Variants in MICAL2 observed in about 807,000 individuals in gnomAD.
MICAL2 encodes the protein microtubule associated monooxygenase, calponin and LIM domain containing 2, also known as [F-actin]-monooxygenase MICAL2.
Under a neutral mutation model 127.3 loss-of-function variants are expected in MICAL2, and 77 were observed. The observed-to-expected ratio is 0.60, with a 90% CI of 0.50 to 0.73. The LOEUF is 0.73. Among genes scored for constraint, MICAL2 ranks in the 30% least tolerant of loss-of-function variants. The pLI is 0.00. For synonymous variants in MICAL2, 570 were observed against 551.1 expected (o/e 1.03, Z -0.48); for missense variants, 1,351 against 1,434.4 (o/e 0.94, Z 0.94).
intron 4 of MICAL2, among the ~76,000 whole-genome samples, chr11:12,205,846 C>T (rs1283437114): frequency 6.6e-6 from 1 of 152,194 alleles, no homozygotes; most frequent in Non-Finnish European, 1.5e-5. Flanking sequence ...CGTCCCCAGA[C>T]TTCAGAATCC....
chr11:12,236,265 C>G lies in MICAL2; in HGVS notation c.2064+20C>G, dbSNP rs7102049. ...GACGAGGTTTGTGTACACAGTGTGG[C>G]TTTAAACAGAGGCTCGTTTCCTGAC... On this transcript the variant is annotated intron_variant, in intron 16 of 27. Coordinates refer to ENST00000683283, the MANE Select transcript of MICAL2 (RefSeq NM_001282663.2). The G allele has an allele frequency of 0.012, 19,013 of 1,612,134 alleles. 2,015 individuals are homozygous for G. In the African/African-American group the frequency reaches 0.23, roughly 19 times the overall value.
At chr11:12,262,896 T>TC (rs1165329917) in intron 27 of MICAL2, 1 of 205,634 alleles carries the variant, frequency 4.9e-6, no homozygotes, top group African/African-American at 2.3e-5. Flanking sequence ...GGGGCCTCTG[T>TC]CACCTTTGAA....
At chr11:12,154,971 A>G (rs1393801555) in intron 2 of MICAL2, among the ~76,000 whole-genome samples, 1 of 152,180 alleles carries the variant, frequency 6.6e-6, no homozygotes, top group Non-Finnish European at 1.5e-5. Context: ...CCTGCATGAT[A>G]TGGAGGCATT....
At chr11:12,220,490 T>C in intron 9 of MICAL2, 32 bp downstream of exon 9, 1 of 1,596,528 alleles carries the variant, frequency 6.3e-7, no homozygotes, top group Non-Finnish European at 8.5e-7. Context: ...CCCATGTTTC[T>C]CTGCGAGACA....
chr11:12,180,660 C>T (rs1857346427), intron 3 of MICAL2, among the ~76,000 whole-genome samples: 1 of 152,046 alleles, frequency 6.6e-6, no homozygotes, highest in African/African-American at 2.4e-5. Context: ...TTATTATCCC[C>T]ACTTTACAGA....
Position 12,227,035 on chromosome 11 carries a change from C to A in MICAL2, c.1899C>A (p.Arg633=). 1 of 1,613,800 alleles carries A rather than the reference C, an allele frequency of 6.2e-7. No individual in the cohort carries two copies. ...GTPLRPVDSW[R]KNYGENADLS... The stretch of plus-strand genomic sequence containing the variant: ...TTTATTTCCCAACAGATTCTTGGCG[C>A]AAAAACTATGGAGAAAATGCTGACC... The change falls in exon 15 of 28, where the codon CGC becomes CGA. Residue 633 remains arginine, a synonymous_variant. Coordinates refer to ENST00000683283, the MANE Select transcript of MICAL2 (RefSeq NM_001282663.2).
intron 3 of MICAL2, among the ~76,000 whole-genome samples, chr11:12,174,330 A>G (rs1166299608): frequency 1.3e-5 from 2 of 151,934 alleles, no homozygotes; most frequent in Admixed American, 6.6e-5. Flanking sequence ...CTCTGTACCC[A>G]TAATCAGTCA....
At chr11:12,300,511 C>T (rs185951547) in intron 29 of MICAL2, among the ~76,000 whole-genome samples, 1 of 152,276 alleles carries the variant, frequency 6.6e-6, no homozygotes, top group Admixed American at 6.5e-5. Context: ...GGATTCATAG[C>T]TTGAGAGAGA....
In MICAL2 at chr11:12,224,212, A is replaced by G. The variant is rs41324344; in HGVS notation, c.1541-461A>G. 7.7e-3 allele frequency among the ~76,000 whole-genome samples: 1,176 copies of G among 152,306 alleles called. 9 individuals carry two copies. The highest frequency in any genetic ancestry group is 0.022 in the African/African-American group (901 of 41,542). On this transcript the variant is annotated intron_variant, in intron 12 of 27. Transcript: ENST00000683283. ...TTCCTGGAATGACTTCTTCCGTCTG[A>G]TAAGTTCCTAGATGCTCTCAAAGAA...
chr11:12,240,242 A>G (rs1859698674), intron 17 of MICAL2, among the ~76,000 whole-genome samples: 1 of 152,158 alleles, frequency 6.6e-6, no homozygotes, highest in Admixed American at 6.5e-5. Context: ...GTCAGGCTGT[A>G]GGCTTCCTTC....
In MICAL2 at chr11:12,242,329, G is replaced by A. The variant is rs1007455028; in HGVS notation, c.2453G>A (p.Gly818Asp). The A allele has an allele frequency of 1.7e-5, 27 of 1,614,034 alleles. No homozygotes were observed. The Admixed American group carries it at 4.2e-4, about 25-fold the overall frequency. The change falls in exon 19 of 28, where the codon GGT becomes GAT. Residue 818 changes from glycine to aspartate, a missense_variant. Coordinates refer to ENST00000683283, the MANE Select transcript of MICAL2 (RefSeq NM_001282663.2). ...AGAGCCAAGTCTGACCTACAGCTGG[G>A]TGGGACAGAAAATTTCGCTACCCTG... ...RARAKSDLQL[G>D]GTENFATLPS...
At chr11:12,203,941 A>G (rs1470423179) in intron 3 of MICAL2, among the ~76,000 whole-genome samples, 1 of 152,196 alleles carries the variant, frequency 6.6e-6, no homozygotes, top group East Asian at 1.9e-4. Context: ...AAGTGGTCAA[A>G]TGCTGGAGCT....
At chr11:12,361,686 C>G (rs868546716), downstream of MICAL2, among the ~76,000 whole-genome samples, 5 of 152,096 alleles carry the variant, frequency 3.3e-5, no homozygotes, top group African/African-American at 1.2e-4. Context: ...TGTTTCCAAC[C>G]CTGATGAGCT....
intron 3 of MICAL2, among the ~76,000 whole-genome samples, chr11:12,176,090 G>A (rs1030674873): frequency 7.2e-5 from 11 of 152,176 alleles, no homozygotes; most frequent in Non-Finnish European, 1.5e-4. Context: ...ACCATCTCAG[G>A]CCTAAGGAAT....
intron 7 of MICAL2, among the ~76,000 whole-genome samples, chr11:12,214,419 C>T (rs768149441): frequency 1.3e-5 from 2 of 152,136 alleles, no homozygotes; most frequent in Admixed American, 6.5e-5. Context: ...TAGCTTAAAT[C>T]GCAGTGTCCA....
At chr11:12,124,796 C>T (rs17468956) in intron 1 of MICAL2, among the ~76,000 whole-genome samples, 5 of 152,316 alleles carry the variant, frequency 3.3e-5, no homozygotes, top group African/African-American at 9.6e-5. Context: ...TCCTCCACCT[C>T]GCATCTAGCA....
Position 12,227,041 on chromosome 11 carries a change from C to T in MICAL2, c.1905C>T (p.Asn635=), listed in dbSNP as rs376097645. The T allele has an allele frequency of 2.7e-5, 43 of 1,613,862 alleles. 1 individual carries two copies. The highest frequency in any genetic ancestry group is 2.7e-5 in the Non-Finnish European group (32 of 1,179,860). Residue 635 remains asparagine (N), a synonymous_variant, in exon 15 of 28, where the codon AAC becomes AAT. Coordinates refer to ENST00000683283, the MANE Select transcript of MICAL2 (RefSeq NM_001282663.2). ...TCCCAACAGATTCTTGGCGCAAAAA[C>T]TATGGAGAAAATGCTGACCTCAGCT... ...PLRPVDSWRK[N]YGENADLSLA...
At chr11:12,126,918 T>A (rs964926464) in intron 1 of MICAL2, among the ~76,000 whole-genome samples, 1 of 152,036 alleles carries the variant, frequency 6.6e-6, no homozygotes, top group Non-Finnish European at 1.5e-5. Flanking sequence ...TTGATCTGGA[T>A]CCTGATGGGT....
rs78949048 is a variant in MICAL2, at chr11:12,343,845, T to C, written c.5516-5993T>C. On this transcript the variant is annotated intron_variant, in intron 32 of 34. Coordinates refer to the MICAL2 transcript ENST00000646065. The stretch of plus-strand genomic sequence containing the variant: ...TATCAAGGAAAAACGATCCTTAATC[T>C]AGAAACATTAAACAAATATCTAGAA... 7.9e-3 allele frequency among the ~76,000 whole-genome samples: 1,208 copies of C among 152,252 alleles called. 24 individuals are homozygous for C. The highest frequency in any genetic ancestry group is 0.028 in the African/African-American group (1,159 of 41,530).
Sources: allele counts gnomAD v4.1 joint callset (sites outside exome capture counted in the v4.1 genomes callset), GRCh38; gene constraint gnomAD v4.1.1; transcripts MANE v1.5; gene names NCBI Gene and HGNC (gene_info 2026-07-23, HGNC 2026-07-21).